The following LINGO2 variants were observed in gnomAD, a reference collection of about 807,000 sequenced individuals.
LINGO2 encodes leucine rich repeat and Ig domain containing 2, also known as leucine-rich repeat and immunoglobulin-like domain-containing nogo receptor-interacting protein 2.
Under a neutral mutation model 30.6 loss-of-function variants are expected in LINGO2, and 14 were observed. The observed-to-expected ratio is 0.46, with a 90% CI of 0.30 to 0.72. The LOEUF is 0.72. Among genes scored for constraint, LINGO2 ranks in the 30% least tolerant of loss-of-function variants. The probability of loss-of-function intolerance (pLI) is 0.07; values close to 1 mark genes in which losing one functional copy is unlikely to be tolerated. For missense variants in LINGO2, 729 were observed against 751.7 expected, an observed-to-expected ratio of 0.97 and a Z score of 0.35; for synonymous variants, 317 against 288.5, an observed-to-expected ratio of 1.10 and a Z score of -1.00.
chr9:27,967,646 AT>A (rs1340841499), intron 5 of LINGO2, among the ~76,000 whole-genome samples: 1 of 152,142 alleles, frequency 6.6e-6, no homozygotes, highest in African/African-American at 2.4e-5. Flanking sequence ...AAAATGACCT[AT>A]TGTCTATCTA....
the LINGO2 span, among the ~76,000 whole-genome samples, chr9:28,915,581 T>C: frequency 5.3e-5 from 8 of 152,326 alleles, no homozygotes; most frequent in East Asian, 1.5e-3. Context: ...AAAGATTACT[T>C]CAATAGTATT....
chr9:28,893,783 G>A, the LINGO2 span, among the ~76,000 whole-genome samples: 1 of 150,844 alleles, frequency 6.6e-6, no homozygotes, highest in Non-Finnish European at 1.5e-5. Flanking sequence ...TAAGTTTTAG[G>A]GTACATGTGC....
At chr9:28,355,309 C>G (rs1347031010) in intron 3 of LINGO2, among the ~76,000 whole-genome samples, 661 of 45,840 alleles carry the variant, frequency 0.014, no homozygotes, top group Non-Finnish European at 0.028. Context: ...GTCTCTCTCT[C>G]TCTCTCTCTC....
intron 4 of LINGO2, among the ~76,000 whole-genome samples, chr9:28,121,563 A>G (rs1037332120): frequency 6.6e-6 from 1 of 152,122 alleles, no homozygotes; most frequent in Non-Finnish European, 1.5e-5. Flanking sequence ...GCTTGGAGCT[A>G]CTGCAGCCAA....
At chr9:28,647,893 C>CTTT (rs5897315) in intron 1 of LINGO2, among the ~76,000 whole-genome samples, 2 of 130,234 alleles carry the variant, frequency 1.5e-5, no homozygotes, top group Admixed American at 7.8e-5. Flanking sequence ...TTCTTTCTTT[C>CTTT]TTTTTTTTTT....
Position 28,140,058 on chromosome 9 carries a change from G to C in LINGO2, c.-86-127653C>G, listed in dbSNP as rs138450159. Among the ~76,000 whole-genome samples, 190 of 152,264 alleles carry C rather than the reference G, an allele frequency of 1.2e-3. 1 individual carries two copies. The Middle Eastern group carries it at 0.017, about 14-fold the overall frequency. The stretch of plus-strand genomic sequence containing the variant: ...ATTAAACAATTACAAGGTAACCTTT[G>C]TCCCTCCAGCAAAACAAAACCTTAA... On this transcript the variant is annotated intron_variant, in intron 4 of 5. Transcript: ENST00000379992.
intron 1 of LINGO2, among the ~76,000 whole-genome samples, chr9:28,652,711 A>G (rs1034091506): frequency 1.3e-5 from 2 of 150,810 alleles, no homozygotes; most frequent in South Asian, 2.1e-4. Flanking sequence ...GAAATCCCAG[A>G]AAAAAAAAGG....
chr9:28,492,266 T>C (rs1826429173), intron 1 of LINGO2, among the ~76,000 whole-genome samples: 2 of 152,182 alleles, frequency 1.3e-5, no homozygotes, highest in Admixed American at 1.3e-4. Flanking sequence ...TTGTCTAAAC[T>C]ATCCAGTCTC....
At chr9:28,723,699 T>C in the LINGO2 span, among the ~76,000 whole-genome samples, 1 of 152,074 alleles carries the variant, frequency 6.6e-6, no homozygotes, top group Non-Finnish European at 1.5e-5. Context: ...CAGTCCTCTT[T>C]CCTCACAGAA....
the LINGO2 span, among the ~76,000 whole-genome samples, chr9:28,811,106 C>T: frequency 6.6e-6 from 1 of 152,256 alleles, no homozygotes; most frequent in South Asian, 2.1e-4. Context: ...AAACCTACTT[C>T]TGTATCAGTC....
chr9:28,417,304 C>T (rs1823005445), intron 2 of LINGO2, among the ~76,000 whole-genome samples: 1 of 152,130 alleles, frequency 6.6e-6, no homozygotes, highest in African/African-American at 2.4e-5. Flanking sequence ...CCTTTAAAGA[C>T]ATTATGAAAG....
the LINGO2 span, among the ~76,000 whole-genome samples, chr9:28,761,214 GC>G: frequency 6.6e-6 from 1 of 151,862 alleles, no homozygotes; most frequent in Non-Finnish European, 1.5e-5. Context: ...GGAAGTACTT[GC>G]TTTTAACAAA....
chr9:29,046,645 A>G, the LINGO2 span, among the ~76,000 whole-genome samples: 19 of 152,182 alleles, frequency 1.2e-4, no homozygotes, highest in Admixed American at 1.2e-3. Flanking sequence ...AAAACCCTGA[A>G]GACAACCTAG....
the LINGO2 span, among the ~76,000 whole-genome samples, chr9:29,071,926 C>A: frequency 6.6e-6 from 1 of 151,946 alleles, no homozygotes; most frequent in East Asian, 1.9e-4. Flanking sequence ...GATTACATGC[C>A]TAAAATTGTA....
At chr9:28,915,966 A>T in the LINGO2 span, among the ~76,000 whole-genome samples, 4 of 152,180 alleles carry the variant, frequency 2.6e-5, no homozygotes, top group Admixed American at 2.6e-4. Context: ...AACTAAAAAT[A>T]AAGTTCTAAG....
intron 2 of LINGO2, among the ~76,000 whole-genome samples, chr9:28,428,981 T>C (rs1823533419): frequency 6.6e-6 from 1 of 152,194 alleles, no homozygotes; most frequent in East Asian, 1.9e-4. Flanking sequence ...TGATTCTTTA[T>C]CTTGACTTAA....
At chr9:28,128,016 AT>A (rs1290217113) in intron 4 of LINGO2, among the ~76,000 whole-genome samples, 1 of 152,114 alleles carries the variant, frequency 6.6e-6, no homozygotes, top group Non-Finnish European at 1.5e-5. Flanking sequence ...CAAAGCAGTT[AT>A]TTTTCTGTCC....
At chr9:28,956,546 T>G in the LINGO2 span, among the ~76,000 whole-genome samples, 137 of 151,180 alleles carry the variant, frequency 9.1e-4, 1 homozygote, top group Non-Finnish European at 1.5e-3. Flanking sequence ...ATAATCAAGT[T>G]TGACAAATAT....
the LINGO2 span, among the ~76,000 whole-genome samples, chr9:28,937,707 G>A: frequency 1.3e-5 from 2 of 152,136 alleles, no homozygotes; most frequent in Non-Finnish European, 2.9e-5. Context: ...AGACAGCCTT[G>A]CACCTTTGCA....
Sources: gnomAD v4.1 joint callset for allele counts (sites outside exome capture counted in the v4.1 genomes callset) on GRCh38, gnomAD v4.1.1 for gene constraint, MANE v1.5 for transcripts, NCBI Gene and HGNC (gene_info 2026-07-23, HGNC 2026-07-21) for gene names.